ARHGAP44: variants seen among roughly 807,000 people sequenced by gnomAD.
ARHGAP44 encodes Rho GTPase activating protein 44.
A neutral mutation model predicts 106.8 loss-of-function variants in ARHGAP44; 43 were observed. The observed-to-expected ratio is 0.40, with a 90% CI of 0.32 to 0.52. ARHGAP44 has a LOEUF of 0.52. ARHGAP44 is among the 20% of genes least tolerant of loss of function. The probability of loss-of-function intolerance (pLI) is 0.48; values close to 1 mark genes in which losing one functional copy is unlikely to be tolerated. For synonymous variants in ARHGAP44, 439 were observed against 410.3 expected (o/e 1.07, Z -0.85); for missense variants, 866 against 1,050.5 (o/e 0.82, Z 2.43).
chr17:12,873,571 C>T (rs2036462830), intron 1 of ARHGAP44, among the ~76,000 whole-genome samples: 1 of 152,174 alleles, frequency 6.6e-6, no homozygotes, highest in Non-Finnish European at 1.5e-5. Context: ...ACTAGAATTG[C>T]ATTGAAGTAT....
chr17:12,951,321 C>T (rs2038987536), intron 12 of ARHGAP44, among the ~76,000 whole-genome samples: 1 of 152,162 alleles, frequency 6.6e-6, no homozygotes, highest in South Asian at 2.1e-4. Context: ...AGGTATGTAA[C>T]TACAGGTTAC....
chr17:12,828,081 A>C (rs1409708183), intron 1 of ARHGAP44, among the ~76,000 whole-genome samples: 2 of 151,364 alleles, frequency 1.3e-5, no homozygotes, highest in African/African-American at 2.4e-5. Context: ...TTAACATTTT[A>C]AAATATTACA....
chr17:12,956,619 A>G (rs2039132495), intron 14 of ARHGAP44, 36 bp from the exon 15 acceptor site: 4 of 1,593,456 alleles, frequency 2.5e-6, no homozygotes, highest in African/African-American at 1.3e-5. Context: ...CTCAGCTGCT[A>G]ACTCCACCCT....
chr17:12,843,089 G>T (rs2035464119), intron 1 of ARHGAP44, among the ~76,000 whole-genome samples: 1 of 152,168 alleles, frequency 6.6e-6, no homozygotes, highest in South Asian at 2.1e-4. Flanking sequence ...ACGGCCTATG[G>T]TGGAAGCCTT....
intron 1 of ARHGAP44, among the ~76,000 whole-genome samples, chr17:12,819,206 CT>C (rs1367382149): frequency 2.0e-5 from 3 of 151,984 alleles, no homozygotes; most frequent in Non-Finnish European, 4.4e-5. Flanking sequence ...GGCATGTGTT[CT>C]TTTGTGCCTG....
chr17:12,971,463 G>C (rs1010571488), intron 16 of ARHGAP44, among the ~76,000 whole-genome samples: 7 of 152,134 alleles, frequency 4.6e-5, no homozygotes, highest in Non-Finnish European at 8.8e-5. Flanking sequence ...CATCTCACAT[G>C]CCCGAAATCC....
chr17:12,945,626 AT>A (rs2038830756), intron 10 of ARHGAP44, among the ~76,000 whole-genome samples: 1 of 152,276 alleles, frequency 6.6e-6, no homozygotes, highest in East Asian at 1.9e-4. Flanking sequence ...AGGGCTATGG[AT>A]GAGAAGGAAG....
intron 1 of ARHGAP44, among the ~76,000 whole-genome samples, chr17:12,824,814 T>C (rs1466233915): frequency 6.6e-6 from 1 of 151,660 alleles, no homozygotes; most frequent in Non-Finnish European, 1.5e-5. Flanking sequence ...CTTCTCTACC[T>C]TCTGCTTGTG....
chr17:12,965,684 A>C (rs942026919), intron 16 of ARHGAP44, among the ~76,000 whole-genome samples: 2 of 152,334 alleles, frequency 1.3e-5, no homozygotes, highest in East Asian at 1.9e-4. Context: ...AGAGTCTTTA[A>C]CATGCTGTTA....
At chr17:12,978,697 C>CT (rs747277780) in intron 18 of ARHGAP44, among the ~76,000 whole-genome samples, 28 of 37,154 alleles carry the variant, frequency 7.5e-4, no homozygotes, top group South Asian at 1.4e-3. Context: ...TTTCTTTTTT[C>CT]TTTTTTTTTT....
intron 16 of ARHGAP44, among the ~76,000 whole-genome samples, chr17:12,966,503 G>GA (rs2039395203): frequency 6.6e-6 from 1 of 152,154 alleles, no homozygotes; most frequent in South Asian, 2.1e-4. Flanking sequence ...GGAAAATACC[G>GA]AATTCAGGCC....
intron 1 of ARHGAP44, among the ~76,000 whole-genome samples, chr17:12,878,641 T>A (rs1328107526): frequency 6.6e-6 from 1 of 152,198 alleles, no homozygotes; most frequent in African/African-American, 2.4e-5. Flanking sequence ...CCGCTGCGTT[T>A]CCTTGAAGGT....
intron 7 of ARHGAP44, 32 bp downstream of exon 7, chr17:12,929,078 A>C: frequency 6.4e-7 from 1 of 1,574,386 alleles, no homozygotes; most frequent in East Asian, 2.3e-5. Context: ...CTCTACTGGG[A>C]CAGGCTGGGG....
intron 1 of ARHGAP44, among the ~76,000 whole-genome samples, chr17:12,802,041 C>A (rs1174047866): frequency 6.6e-6 from 1 of 152,144 alleles, no homozygotes; most frequent in Non-Finnish European, 1.5e-5. Context: ...TGTGAGAAAT[C>A]TCTTATCTTT....
intron 7 of ARHGAP44, among the ~76,000 whole-genome samples, chr17:12,930,239 CT>C (rs372665207): frequency 6.0e-4 from 88 of 146,594 alleles, no homozygotes; most frequent in East Asian, 7.9e-4. Flanking sequence ...CTCTCTCTCT[CT>C]TTTTTTTTTT....
intron 20 of ARHGAP44, chr17:12,987,524 GCCCAGCAC>G (rs969001576): frequency 4.0e-5 from 7 of 173,746 alleles, no homozygotes; most frequent in Non-Finnish European, 1.2e-5. Context: ...AGACGCTTGT[GCCCAGCAC>G]CCTGGGGGAC....
intron 1 of ARHGAP44, among the ~76,000 whole-genome samples, chr17:12,809,668 CA>C (rs2034380664): frequency 6.6e-6 from 1 of 152,088 alleles, no homozygotes; most frequent in Non-Finnish European, 1.5e-5. Context: ...CAAACCATAT[CA>C]GGGGAGAAGA....
intron 6 of ARHGAP44, among the ~76,000 whole-genome samples, chr17:12,925,175 C>T (rs934015423): frequency 2.0e-5 from 3 of 152,164 alleles, no homozygotes; most frequent in Non-Finnish European, 4.4e-5. Context: ...GAGCCCTCTT[C>T]CTTTTGCCCC....
intron 3 of ARHGAP44, among the ~76,000 whole-genome samples, chr17:12,899,366 C>T (rs2037306311): frequency 6.6e-6 from 1 of 151,920 alleles, no homozygotes; most frequent in East Asian, 1.9e-4. Context: ...GTCTGAAAGT[C>T]AAAGAGCCAT....
Sources: gnomAD v4.1 joint callset for allele counts (sites outside exome capture counted in the v4.1 genomes callset) on GRCh38, gnomAD v4.1.1 for gene constraint, MANE v1.5 for transcripts, NCBI Gene and HGNC (gene_info 2026-07-23, HGNC 2026-07-21) for gene names.